Variants in CREBBP observed in about 807,000 individuals in gnomAD.
CREBBP encodes CREB-binding protein.
A neutral mutation model predicts 265.0 loss-of-function variants in CREBBP; 19 were observed. That is an observed-to-expected ratio of 0.07 (90% CI 0.05 to 0.11). The LOEUF is 0.11. Among genes scored for constraint, CREBBP ranks in the 10% least tolerant of loss-of-function variants. The pLI is 1.00. For synonymous variants in CREBBP, 1,457 were observed against 1,223.7 expected, an observed-to-expected ratio of 1.19 and a Z score of -3.98; for missense variants, 2,525 against 3,219.0, an observed-to-expected ratio of 0.78 and a Z score of 5.22.
intron 2 of CREBBP, among the ~76,000 whole-genome samples, chr16:3,836,675 T>A (rs572325863): frequency 2.0e-5 from 3 of 152,258 alleles, no homozygotes; most frequent in East Asian, 3.9e-4. Flanking sequence ...AAAAATATTT[T>A]AAAAATATAG....
intron 5 of CREBBP, among the ~76,000 whole-genome samples, chr16:3,788,192 C>T (rs971230681): frequency 5.9e-5 from 9 of 152,224 alleles, no homozygotes; most frequent in African/African-American, 2.2e-4. Flanking sequence ...CCCCTGGTCT[C>T]TCTCTCAGAG....
intron 8 of CREBBP, 88 bp downstream of exon 8, chr16:3,780,644 T>C (rs1328139888): frequency 5.3e-5 from 75 of 1,424,142 alleles, no homozygotes; most frequent in Non-Finnish European, 6.2e-5. Context: ...GTGACTTGTA[T>C]AGGCTCCTAG....
chr16:3,845,169 G>A (rs182857253), intron 2 of CREBBP, among the ~76,000 whole-genome samples: 21 of 152,262 alleles, frequency 1.4e-4, no homozygotes, highest in East Asian at 9.6e-4. Context: ...CACACTATAC[G>A]AATGTTTCTA....
chr16:3,728,308 G>A lies in CREBBP; in HGVS notation c.6739C>T (p.Gln2247Ter), dbSNP rs2151301839. The A allele has an allele frequency of 6.2e-7, 1 of 1,612,308 alleles. No individual in the cohort carries two copies. Among genetic ancestry groups the A allele is most frequent in the Non-Finnish European group, 8.5e-7 (1 of 1,179,680 alleles). The change falls in exon 31 of 31, where the codon CAG becomes TAG. Residue 2247 changes from glutamine to a stop codon, truncating the protein, a stop_gained. Transcript: ENST00000262367. LOFTEE classifies it high-confidence loss of function. This position sits in a 1 kb window ranked among gnomAD's most constrained non-coding sequence, Gnocchi z 8.7. Reference protein sequence around the residue: ...PGGYPPAMQQQQRMQQHLPLQ... With the variant: ...PGGYPPAMQQ ...GGGAGATGCTGCTGCATGCGCTGCT[G>A]CTGCTGCATGGCCGGTGGGTAGCCT...
rs146314850 is a variant in CREBBP at position 3,750,159 on chromosome 16, C to T, written c.3780-476G>A. Among the ~76,000 whole-genome samples, 361 of 152,232 alleles carry T rather than the reference C, an allele frequency of 2.4e-3. 4 individuals carry two copies. Among genetic ancestry groups the T allele is most frequent in the Middle Eastern group, 6.8e-3 (2 of 294 alleles). On this transcript the variant is annotated intron_variant, in intron 20 of 30. Transcript: ENST00000262367. ...GGGACTACAGGTACAAACCACCACG[C>T]CCTGTTAAGTTTTTTTAATTTTTTG...
At chr16:3,867,427 G>A (rs2055198613) in intron 1 of CREBBP, among the ~76,000 whole-genome samples, 1 of 152,054 alleles carries the variant, frequency 6.6e-6, no homozygotes, top group African/African-American at 2.4e-5. Flanking sequence ...AGGAGTTTGA[G>A]GCTAGAGTGA....
chr16:3,820,286 C>T (rs1005420641), intron 2 of CREBBP, among the ~76,000 whole-genome samples: 4 of 152,204 alleles, frequency 2.6e-5, no homozygotes, highest in Admixed American at 6.5e-5. Context: ...TCTTGGAATC[C>T]TTCCAGTATA....
In CREBBP at chr16:3,880,040, G is replaced by C; in HGVS notation, c.-124C>G. The C allele has an allele frequency of 1.4e-6, 1 of 730,100 alleles. No homozygotes were observed. Among genetic ancestry groups the C allele is most frequent in the East Asian group, 4.2e-5 (1 of 23,738 alleles). 45.2% of individuals were successfully genotyped at this position (730,100 alleles called of 1,614,324 possible). A position where few individuals can be genotyped will look rare whatever the true frequency, so the allele number is the denominator to read the frequency against. ...GAGCGCGGGCCGCGAGCGGGCGGGC[G>C]GGCGCCGAGGGAGAGGGAGGGCGCA... is the stretch of plus-strand genomic sequence containing the variant. On this transcript the variant is annotated 5_prime_UTR_variant, in exon 1 of 31. Transcript: ENST00000262367.
intron 3 of CREBBP, among the ~76,000 whole-genome samples, chr16:3,807,705 G>A (rs1355639551): frequency 2.6e-5 from 4 of 152,174 alleles, no homozygotes; most frequent in African/African-American, 9.7e-5. Flanking sequence ...AACTTGCTCA[G>A]CTGTAAAATG....
intron 2 of CREBBP, among the ~76,000 whole-genome samples, chr16:3,822,122 C>T (rs1250891989): frequency 6.6e-6 from 1 of 152,142 alleles, no homozygotes; most frequent in Non-Finnish European, 1.5e-5. Context: ...AACTATGGCC[C>T]AGCGGGACAG....
intron 21 of CREBBP, chr16:3,745,591 T>A (rs1046006197): frequency 1.8e-6 from 1 of 552,778 alleles, no homozygotes; most frequent in African/African-American, 1.9e-5. Context: ...TTTCTCCCAA[T>A]CTCCCTTTGC....
intron 16 of CREBBP, among the ~76,000 whole-genome samples, chr16:3,760,753 G>A (rs1303645628): frequency 2.6e-5 from 4 of 151,342 alleles, no homozygotes; most frequent in African/African-American, 7.3e-5. Flanking sequence ...TTGCTCCAAC[G>A]CCCAGGCTGG....
chr16:3,744,782 G>A (rs2052300669), intron 23 of CREBBP, 112 bp downstream of exon 23: 15 of 849,408 alleles, frequency 1.8e-5, no homozygotes, highest in Non-Finnish European at 2.8e-5. Flanking sequence ...GAAAATCTTT[G>A]ACAACCGAAC....
At chr16:3,814,094 T>C (rs375700764) in intron 2 of CREBBP, among the ~76,000 whole-genome samples, 3 of 152,084 alleles carry the variant, frequency 2.0e-5, no homozygotes, top group East Asian at 3.8e-4. Context: ...CCAGGGTGAG[T>C]ATGAGTGTGT....
intron 13 of CREBBP, 152 bp from the exon 14 acceptor site, chr16:3,771,138 G>C (rs992180367): frequency 1.2e-6 from 1 of 806,294 alleles, no homozygotes; most frequent in Non-Finnish European, 2.0e-6. Context: ...GTGCGATCTC[G>C]GCTCACTGCA....
At chr16:3,820,892 T>C (rs1425655801) in intron 2 of CREBBP, among the ~76,000 whole-genome samples, 1 of 152,160 alleles carries the variant, frequency 6.6e-6, no homozygotes, top group Non-Finnish European at 1.5e-5. Context: ...GCCTGTATCC[T>C]CACTGTTAGT....
At chr16:3,819,220 G>A (rs1269587249) in intron 2 of CREBBP, among the ~76,000 whole-genome samples, 1 of 152,250 alleles carries the variant, frequency 6.6e-6, no homozygotes, top group East Asian at 1.9e-4. Flanking sequence ...GGGCTCTGGG[G>A]ATATCTGAAT....
chr16:3,843,304 T>A (rs1249332061), intron 2 of CREBBP, among the ~76,000 whole-genome samples: 1 of 152,112 alleles, frequency 6.6e-6, no homozygotes, highest in Non-Finnish European at 1.5e-5. Context: ...TATCTTTTAG[T>A]TTTTCTCAAA....
chr16:3,790,558 G>C (rs992879528), intron 5 of CREBBP, among the ~76,000 whole-genome samples: 7 of 151,968 alleles, frequency 4.6e-5, no homozygotes, highest in African/African-American at 1.7e-4. Flanking sequence ...GTTTTTAGTA[G>C]AGACTGGTCT....
Sources: gnomAD v4.1 joint callset for allele counts (sites outside exome capture counted in the v4.1 genomes callset) on GRCh38, gnomAD v4.1.1 for gene constraint, Gnocchi (gnomAD v3.1) non-coding constraint, MANE v1.5 for transcripts, NCBI Gene and HGNC (gene_info 2026-07-23, HGNC 2026-07-21) for gene names.